Variants in RAB2A observed in about 807,000 individuals in gnomAD.
RAB2A encodes ras-related protein Rab-2A.
Under a neutral mutation model 32.5 loss-of-function variants are expected in RAB2A, and 7 were observed. The observed-to-expected ratio is 0.22, with a 90% confidence interval of 0.12 to 0.40. The LOEUF is 0.40. Among genes scored for constraint, RAB2A ranks in the 10% least tolerant of loss-of-function variants. The probability of loss-of-function intolerance (pLI) is 1.00; values close to 1 mark genes in which losing one functional copy is unlikely to be tolerated. For missense variants in RAB2A, 108 were observed against 260.7 expected, an observed-to-expected ratio of 0.41 and a Z score of 4.03; for synonymous variants, 79 against 85.2, an observed-to-expected ratio of 0.93 and a Z score of 0.40.
intron 1 of RAB2A, among the ~76,000 whole-genome samples, chr8:60,550,587 A>G (rs185035187): frequency 1.3e-5 from 2 of 152,072 alleles, no homozygotes; most frequent in Non-Finnish European, 1.5e-5. Context: ...GGGTTTCACC[A>G]TGTAGTCCAG....
intron 1 of RAB2A, among the ~76,000 whole-genome samples, chr8:60,538,108 TTC>T (rs1255109767): frequency 6.6e-6 from 1 of 152,252 alleles, no homozygotes; most frequent in East Asian, 1.9e-4. Context: ...TTTTGCCGCA[TTC>T]TTACTTGCTA....
chr8:60,521,323 G>A (rs1179775863), intron 1 of RAB2A, among the ~76,000 whole-genome samples: 7 of 152,178 alleles, frequency 4.6e-5, no homozygotes, highest in Admixed American at 3.9e-4. Context: ...GTAGTTGAAA[G>A]TTTATTTCTG....
intron 5 of RAB2A, among the ~76,000 whole-genome samples, chr8:60,588,309 A>G (rs926893627): frequency 3.3e-5 from 5 of 152,156 alleles, no homozygotes; most frequent in East Asian, 1.9e-4. Context: ...GCACACATCT[A>G]TATTTCCTAG....
intron 2 of RAB2A, among the ~76,000 whole-genome samples, chr8:60,568,655 G>C (rs375122816): frequency 6.6e-6 from 1 of 152,164 alleles, no homozygotes; most frequent in Non-Finnish European, 1.5e-5. Flanking sequence ...GGATGATAAC[G>C]ATTGGAGACA....
chr8:60,595,433 C>T (rs1454354156), intron 6 of RAB2A, among the ~76,000 whole-genome samples: 3 of 152,036 alleles, frequency 2.0e-5, no homozygotes, highest in East Asian at 1.9e-4. Flanking sequence ...GGTCAAAATA[C>T]ACAAATCAAA....
chr8:60,519,667 A>G (rs1807271512), intron 1 of RAB2A, among the ~76,000 whole-genome samples: 1 of 152,220 alleles, frequency 6.6e-6, no homozygotes, highest in Admixed American at 6.5e-5. Context: ...TTATGTAGGT[A>G]CCTATTATAT....
chr8:60,542,033 C>T (rs535892891), intron 1 of RAB2A, among the ~76,000 whole-genome samples: 2 of 152,260 alleles, frequency 1.3e-5, no homozygotes, highest in African/African-American at 4.8e-5. Flanking sequence ...GCACCCTCCC[C>T]TACCTCACCA....
chr8:60,558,950 C>T lies in RAB2A; in HGVS notation c.118+27C>T, dbSNP rs759977639. The T allele has an allele frequency of 1.4e-5, 21 of 1,547,910 alleles. No individual in the cohort carries two copies. In the East Asian group the frequency reaches 4.7e-4, roughly 35 times the overall value. On this transcript the variant is annotated intron_variant, in intron 2 of 7. Coordinates refer to ENST00000262646, the MANE Select transcript of RAB2A (RefSeq NM_002865.3). ...TAAGTTTTATAAAAGGGATGAGAAG[C>T]ACTAAAAGTTTTGGATAGTTTAAAT...
intron 2 of RAB2A, among the ~76,000 whole-genome samples, chr8:60,569,650 C>T (rs1808166324): frequency 1.3e-5 from 2 of 152,090 alleles, no homozygotes; most frequent in Admixed American, 1.3e-4. Flanking sequence ...GTAGCTGGGA[C>T]CACAGGCACC....
chr8:60,571,560 G>A (rs1808198048), intron 2 of RAB2A, among the ~76,000 whole-genome samples: 1 of 152,150 alleles, frequency 6.6e-6, no homozygotes, highest in South Asian at 2.1e-4. Context: ...TGGGAAGTAT[G>A]TTAAAACATT....
intron 3 of RAB2A, among the ~76,000 whole-genome samples, chr8:60,579,879 G>A (rs1803710926): frequency 6.6e-6 from 1 of 152,068 alleles, no homozygotes; most frequent in South Asian, 2.1e-4. Context: ...TGCCTGCCTT[G>A]GCCTCCCAAA....
At chr8:60,519,760 TTAAC>T (rs1187842812) in intron 1 of RAB2A, among the ~76,000 whole-genome samples, 3 of 152,150 alleles carry the variant, frequency 2.0e-5, no homozygotes, top group Admixed American at 6.5e-5. Flanking sequence ...CCCTGTATAT[TTAAC>T]TAATAAGAGA....
At chr8:60,616,136 C>G (rs565820727) in intron 6 of RAB2A, among the ~76,000 whole-genome samples, 20 of 152,260 alleles carry the variant, frequency 1.3e-4, no homozygotes, top group African/African-American at 4.6e-4. Context: ...CTTAATTCAT[C>G]TGGTACAACT....
At chr8:60,578,545 A>G (rs910567782) in intron 3 of RAB2A, among the ~76,000 whole-genome samples, 1 of 149,246 alleles carries the variant, frequency 6.7e-6, no homozygotes, top group African/African-American at 2.6e-5. Flanking sequence ...ATATCAGTAG[A>G]AAAAAATGGA....
At chr8:60,527,418 A>G (rs1341012669) in intron 1 of RAB2A, among the ~76,000 whole-genome samples, 4 of 151,994 alleles carry the variant, frequency 2.6e-5, no homozygotes, top group African/African-American at 9.7e-5. Context: ...GGAGAGCTGG[A>G]GAGGCCTCAG....
chr8:60,619,427 T>C (rs1461642566), intron 7 of RAB2A, among the ~76,000 whole-genome samples: 2 of 152,166 alleles, frequency 1.3e-5, no homozygotes, highest in African/African-American at 4.8e-5. Flanking sequence ...CCAGTTGCAG[T>C]TAGAAAAGCA....
chr8:60,598,937 C>CAAAA lies in RAB2A; in HGVS notation c.474+6994_474+6997dup, dbSNP rs56406651. On this transcript the variant is annotated intron_variant, in intron 6 of 7. Transcript: ENST00000262646. The stretch of plus-strand genomic sequence containing the variant: ...GGAAGTTCTAGCCAGTGCAGTAAAG[C>CAAAA]AAAAAAAAAAAAAAAAAAAAAAAAA... Among the ~76,000 whole-genome samples the CAAAA allele has an allele frequency of 5.8e-3, 235 of 40,404 alleles. 7 individuals carry two copies. The highest frequency in any genetic ancestry group is 0.015 in the East Asian group (18 of 1,184). The allele number at this position is 40,404 out of a possible 152,430, so 26.5% of individuals were successfully genotyped here.
At chr8:60,544,061 CAAA>C (rs532347157) in intron 1 of RAB2A, among the ~76,000 whole-genome samples, 33,503 of 93,358 alleles carry the variant, frequency 0.36, 4,852 homozygotes, top group African/African-American at 0.49. Context: ...GACTCCGTCT[CAAA>C]AAAAAAAAAA....
intron 6 of RAB2A, among the ~76,000 whole-genome samples, chr8:60,603,153 T>C (rs754206127): frequency 6.6e-6 from 1 of 152,236 alleles, no homozygotes; most frequent in East Asian, 1.9e-4. Flanking sequence ...TTGGCACCTA[T>C]GTGTAGAGAA....
Sources: allele counts gnomAD v4.1 joint callset (sites outside exome capture counted in the v4.1 genomes callset), GRCh38; gene constraint gnomAD v4.1.1; transcripts MANE v1.5; gene names NCBI Gene and HGNC (gene_info 2026-07-23, HGNC 2026-07-21).